The following TCP1 variants were observed in gnomAD, a reference collection of about 807,000 sequenced individuals.
TCP1 encodes the protein t-complex 1, also known as T-complex protein 1 subunit alpha.
Under a neutral mutation model 54.7 loss-of-function variants are expected in TCP1, and 6 were observed. That is an observed-to-expected ratio of 0.11 (90% CI 0.06 to 0.22). The LOEUF (loss-of-function observed/expected upper bound fraction) is 0.22. Among genes scored for constraint, TCP1 ranks in the 10% least tolerant of loss-of-function variants. The probability of loss-of-function intolerance (pLI) is 1.00; values close to 1 mark genes in which losing one functional copy is unlikely to be tolerated. For synonymous variants in TCP1, 225 were observed against 229.7 expected (o/e 0.98, Z 0.19); for missense variants, 511 against 678.2 (o/e 0.75, Z 2.74).
At chr6:159,781,250 C>G (rs2295898) in intron 7 of TCP1, 140 bp from the exon 8 acceptor site, 115,494 of 782,000 alleles carry the variant, frequency 0.15, 10,242 homozygotes, top group East Asian at 0.37. Flanking sequence ...TAAATTAGTC[C>G]AATTCATGGA....
Position 159,778,562 on chromosome 6 carries a change from G to T in TCP1, c.*483C>A. 1 of 1,355,230 alleles carries T rather than the reference G, an allele frequency of 7.4e-7. No homozygotes were observed. Among genetic ancestry groups the T allele is most frequent in the Non-Finnish European group, 1.0e-6 (1 of 982,350 alleles). 84.0% of individuals were successfully genotyped at this position (1,355,230 alleles called of 1,614,324 possible). A position where few individuals can be genotyped will look rare whatever the true frequency, so the allele number is the denominator to read the frequency against. ...AAAATGAAAATTTGAGTTTGAAAGG[G>T]TAGCATGCTGATACATTAAGAGGAA... On this transcript the variant is annotated 3_prime_UTR_variant, in exon 12 of 12. Coordinates refer to ENST00000321394, the MANE Select transcript of TCP1 (RefSeq NM_030752.3).
In TCP1 at chr6:159,779,752, T is replaced by C. The variant is rs774089779; in HGVS notation, c.1329A>G (p.Arg443=). The part of the protein sequence containing the change: ...REQLAIAEFA[R]SLLVIPNTLA... ...GTGTATTGGGAATAACAAGAAGTGA[T>C]CTTGCAAACTCTGCAATCGCAAGCT... The change falls in exon 11 of 12, where the codon AGA becomes AGG. Residue 443 remains arginine, a synonymous_variant. Coordinates refer to ENST00000321394, the MANE Select transcript of TCP1 (RefSeq NM_030752.3). 1.2e-6 allele frequency: 2 copies of C among 1,609,892 alleles called. No homozygotes were observed.
intron 8 of TCP1, 50 bp downstream of exon 8, chr6:159,780,884 AG>A: frequency 6.6e-7 from 1 of 1,519,548 alleles, no homozygotes. Context: ...GACCTTTGAT[AG>A]GATCAGGGAT....
rs182220918 is a variant in TCP1, at chr6:159,778,620, C to T, written c.*425G>A. ...AGTTTAAGATTTTAAACTGTGTCCA[C>T]AGAAGAATAAACAATCTAAATCTTT... On this transcript the variant is annotated 3_prime_UTR_variant, in exon 12 of 12. Transcript: ENST00000321394. The T allele has an allele frequency of 1.2e-4, 185 of 1,601,938 alleles. 1 individual carries two copies. The East Asian group carries it at 3.7e-3, about 32-fold the overall frequency.
At chr6:159,779,603 C>G (rs761970034) in intron 11 of TCP1, 24 bp downstream of exon 11, 3 of 1,583,280 alleles carry the variant, frequency 1.9e-6, no homozygotes, top group Non-Finnish European at 2.6e-6. Context: ...CAGAGGTTAA[C>G]AAAGAGCGGG....
chr6:159,779,816 CT>C, intron 10 of TCP1, 26 bp from the exon 11 acceptor site: 1 of 1,585,312 alleles, frequency 6.3e-7, no homozygotes, highest in East Asian at 2.2e-5. Context: ...AATTAGGTGA[CT>C]TCACAAAAGG....
chr6:159,785,615 A>C (rs763016380), intron 4 of TCP1, 119 bp from the exon 5 acceptor site: 13 of 873,986 alleles, frequency 1.5e-5, no homozygotes, highest in Non-Finnish European at 1.9e-6. Context: ...CAGCCATTTC[A>C]TATAGGAGGA....
intron 11 of TCP1, 181 bp downstream of exon 11, chr6:159,779,446 T>G: frequency 1.0e-6 from 1 of 963,920 alleles, no homozygotes; most frequent in Non-Finnish European, 1.5e-6. Flanking sequence ...ACACCAGTGC[T>G]AATAATTAGT....
intron 11 of TCP1, 138 bp from the exon 12 acceptor site, chr6:159,779,399 A>C (rs562614913): frequency 2.1e-5 from 20 of 975,480 alleles, no homozygotes; most frequent in African/African-American, 1.3e-4. Flanking sequence ...CTACCAAAAG[A>C]AGCAGGGAGA....
At position 159,785,432 on chromosome 6, in the gene TCP1, G is replaced by C. The variant is rs866155517; in HGVS notation, c.442C>G (p.Leu148Val). ...VNTDELGRDC[L>V]INAAKTSMSS... ...ATGGATGTCTTAGCAGCATTAATCA[G>C]GCAATCTCTTCCCAGTTCATCTGTG... Residue 148 changes from leucine to valine, a missense_variant, in exon 5 of 12, where the codon CTG becomes GTG. Transcript: ENST00000321394. 1.9e-6 allele frequency: 3 copies of C among 1,613,412 alleles called. No homozygotes were observed. Among genetic ancestry groups the C allele is most frequent in the Middle Eastern group, 1.8e-4 (1 of 5,528 alleles).
In TCP1 at chr6:159,780,484, T is replaced by C. The variant is rs896241434; in HGVS notation, c.1056A>G (p.Val352=). The C allele has an allele frequency of 4.3e-6, 7 of 1,613,982 alleles. No individual in the cohort carries two copies. In the African/African-American group the frequency reaches 8.0e-5, roughly 18 times the overall value. ...GCTCATCATCACAAATTCTCTCCTG[T>C]ACCACTTCTTCTGCCTGTCCCAACA... ...AAMLGQAEEV[V]QERICDDELI... is the part of the protein sequence containing the mutation. The change falls in exon 9 of 12, where the codon GTA becomes GTG. Residue 352 remains valine, a synonymous_variant. Coordinates refer to ENST00000321394, the MANE Select transcript of TCP1 (RefSeq NM_030752.3).
chr6:159,786,867 G>C (rs965307692), intron 3 of TCP1, among the ~76,000 whole-genome samples: 1 of 151,912 alleles, frequency 6.6e-6, no homozygotes, highest in Non-Finnish European at 1.5e-5. Context: ...TTACTGACTC[G>C]GTAAGATCAC....
chr6:159,780,220 C>T, intron 9 of TCP1, 133 bp from the exon 10 acceptor site: 3 of 1,253,778 alleles, frequency 2.4e-6, no homozygotes, highest in Non-Finnish European at 3.5e-6. Context: ...GTCCTGCCTA[C>T]ACAGGATATT....
At chr6:159,781,974 G>A (rs1348776801) in intron 7 of TCP1, among the ~76,000 whole-genome samples, 3 of 151,984 alleles carry the variant, frequency 2.0e-5, no homozygotes, top group African/African-American at 7.3e-5. Flanking sequence ...AATGGCTGAA[G>A]ACAAGAAGAT....
rs1780802876 is a variant in TCP1, at chr6:159,789,596, A to G, written c.-128T>C. On this transcript the variant is annotated 5_prime_UTR_variant, in exon 1 of 12. Transcript: ENST00000321394. ...GAGCGTACCCGAGCGATGTCCCAGG[A>G]GCTACTGGGTAACACACCACCCCAC... is the stretch of plus-strand genomic sequence containing the variant. The G allele has an allele frequency of 8.5e-7, 1 of 1,175,300 alleles. No homozygotes were observed. The highest frequency in any genetic ancestry group is 1.2e-6 in the Non-Finnish European group (1 of 810,108). The allele number at this position is 1,175,300 out of a possible 1,614,324, so 72.8% of individuals were successfully genotyped here. A position where few individuals can be genotyped will look rare whatever the true frequency, so the allele number is the denominator to read the frequency against.
chr6:159,788,296 G>A (rs550985004), intron 1 of TCP1, 153 bp from the exon 2 acceptor site: 2 of 659,480 alleles, frequency 3.0e-6, no homozygotes, highest in Non-Finnish European at 5.1e-6. Context: ...CACCTACTAA[G>A]AGTGTAAATG....
Position 159,787,746 on chromosome 6 carries a change from T to C in TCP1, c.276A>G (p.Ser92=), listed in dbSNP as rs772309238. 1.2e-6 allele frequency: 2 copies of C among 1,602,622 alleles called. No individual in the cohort carries two copies. The highest frequency in any genetic ancestry group is 1.1e-5 in the South Asian group (1 of 90,842). The change falls in exon 3 of 12, where the codon TCA becomes TCG. Residue 92 remains serine (S), a synonymous_variant. Coordinates refer to ENST00000321394, the MANE Select transcript of TCP1 (RefSeq NM_030752.3). ...QDKEVGDGTT[S]VVIIAAELLK... is the part of the protein sequence containing the mutation. The stretch of plus-strand genomic sequence containing the variant: ...ATTCTTTAGCCAGTCTACCTACCAC[T>C]GAAGTAGTTCCATCTCCAACTTCTT...
In TCP1 at chr6:159,778,785, A is replaced by G. The variant is rs771309893; in HGVS notation, c.*260T>C. 3.1e-6 allele frequency: 5 copies of G among 1,614,198 alleles called. No homozygotes were observed. Among genetic ancestry groups the G allele is most frequent in the East Asian group, 2.2e-5 (1 of 44,876 alleles). On this transcript the variant is annotated 3_prime_UTR_variant, in exon 12 of 12. Coordinates refer to ENST00000321394, the MANE Select transcript of TCP1 (RefSeq NM_030752.3). ...AAGTCGTGGTGTTGCAGCCCTGTGCATTGGGGGTGGGATGGGAATAGCAAT... is the reference window on the plus strand; with the variant it reads ...AAGTCGTGGTGTTGCAGCCCTGTGCGTTGGGGGTGGGATGGGAATAGCAAT...
chr6:159,787,161 G>A (rs1179672481), intron 3 of TCP1, among the ~76,000 whole-genome samples: 1 of 152,070 alleles, frequency 6.6e-6, no homozygotes, highest in African/African-American at 2.4e-5. Flanking sequence ...GGCTAAGGCA[G>A]GAGGATTGCT....
Sources: allele counts gnomAD v4.1 joint callset (sites outside exome capture counted in the v4.1 genomes callset), GRCh38; gene constraint gnomAD v4.1.1; transcripts MANE v1.5; gene names NCBI Gene and HGNC (gene_info 2026-07-23, HGNC 2026-07-21).